Variants in CADM2 observed in about 807,000 individuals in gnomAD.
The protein encoded by CADM2 is cell adhesion molecule 2.
In CADM2, 12 loss-of-function variants were observed where a neutral mutation model predicts 49.8. That is an observed-to-expected ratio of 0.24 (90% confidence interval 0.15 to 0.39). The LOEUF (loss-of-function observed/expected upper bound fraction) is 0.39. Ranked by LOEUF, CADM2 falls within the 10% of genes least tolerant of loss-of-function variation. The pLI is 1.00. For missense variants in CADM2, 378 were observed against 492.3 expected (o/e 0.77, Z 2.20); for synonymous variants, 214 against 175.4 (o/e 1.22, Z -1.74).
At chr3:85,147,719 T>G (rs1299002624) in intron 1 of CADM2, among the ~76,000 whole-genome samples, 1 of 152,146 alleles carries the variant, frequency 6.6e-6, no homozygotes, top group African/African-American at 2.4e-5. Flanking sequence ...ATCTATAAAT[T>G]TGTTCAGGAT....
intron 8 of CADM2, among the ~76,000 whole-genome samples, chr3:86,006,932 T>G (rs1242628560): frequency 2.0e-5 from 3 of 151,902 alleles, no homozygotes; most frequent in Admixed American, 1.3e-4. Flanking sequence ...TCCCAGCTAC[T>G]CGGGAGGCTG....
At chr3:85,817,660 A>G (rs1457699959) in intron 3 of CADM2, among the ~76,000 whole-genome samples, 2 of 152,060 alleles carry the variant, frequency 1.3e-5, no homozygotes, top group African/African-American at 2.4e-5. Flanking sequence ...TCACAGTTCC[A>G]TCGTGGATTT....
At chr3:85,154,910 G>A (rs1450748160) in intron 1 of CADM2, among the ~76,000 whole-genome samples, 4 of 151,108 alleles carry the variant, frequency 2.6e-5, no homozygotes, top group African/African-American at 9.7e-5. Context: ...GTCACCACCC[G>A]GCCTGCCCTA....
intron 1 of CADM2, among the ~76,000 whole-genome samples, chr3:85,721,667 G>A (rs76820201): frequency 0.036 from 5,543 of 152,248 alleles, 312 homozygotes; most frequent in African/African-American, 0.13. Flanking sequence ...AGCTGGCACC[G>A]GGAACCAAGG....
chr3:85,524,252 AT>A (rs1348828219), intron 1 of CADM2, among the ~76,000 whole-genome samples: 2 of 151,888 alleles, frequency 1.3e-5, no homozygotes, highest in East Asian at 1.9e-4. Flanking sequence ...TTATTATTCT[AT>A]TTTTTGTGTA....
intron 1 of CADM2, among the ~76,000 whole-genome samples, chr3:85,081,050 C>G (rs2037143667): frequency 6.6e-6 from 1 of 152,048 alleles, no homozygotes; most frequent in Non-Finnish European, 1.5e-5. Flanking sequence ...AAATCAGTAA[C>G]TGTTACTATA....
At chr3:85,530,725 A>G (rs1474069121) in intron 1 of CADM2, among the ~76,000 whole-genome samples, 2 of 152,118 alleles carry the variant, frequency 1.3e-5, no homozygotes, top group African/African-American at 4.8e-5. Flanking sequence ...TTACCATTAC[A>G]ATCTTAGCAT....
At chr3:85,175,919 CTTTTTTTTTTTTTT>C (rs11329456) in intron 1 of CADM2, among the ~76,000 whole-genome samples, 5 of 76,260 alleles carry the variant, frequency 6.6e-5, no homozygotes, top group African/African-American at 1.8e-4. Context: ...ATGTCCTAAT[CTTTTTTTTTTTTTT>C]TTTTTTTTTT....
chr3:84,959,262 C>T lies in CADM2; in HGVS notation c.-346C>T. On this transcript the variant is annotated 5_prime_UTR_variant, in exon 1 of 10. Transcript: ENST00000383699. ...CTTCTCCAACACCCCGGCATCCCTGCACCACCTGCTCGGGCAGCCCCGGCG... is the reference window on the plus strand; with the variant it reads ...CTTCTCCAACACCCCGGCATCCCTGTACCACCTGCTCGGGCAGCCCCGGCG... 1 of 456,610 alleles carries T rather than the reference C, an allele frequency of 2.2e-6. No individual in the cohort carries two copies. The allele number at this position is 456,610 out of a possible 1,614,324, so 28.3% of individuals were successfully genotyped here.
At chr3:85,074,597 T>G (rs1432305102) in intron 1 of CADM2, among the ~76,000 whole-genome samples, 1 of 152,134 alleles carries the variant, frequency 6.6e-6, no homozygotes, top group Non-Finnish European at 1.5e-5. Flanking sequence ...TCTGTTGAAT[T>G]AATAATTAAA....
intron 8 of CADM2, among the ~76,000 whole-genome samples, chr3:86,031,698 A>C (rs1734577320): frequency 6.6e-6 from 1 of 151,814 alleles, no homozygotes; most frequent in Non-Finnish European, 1.5e-5. Context: ...AATGAAAGGC[A>C]ATTACATTGC....
intron 1 of CADM2, among the ~76,000 whole-genome samples, chr3:85,459,777 A>T (rs772873271): frequency 6.6e-6 from 1 of 152,220 alleles, no homozygotes; most frequent in Non-Finnish European, 1.5e-5. Flanking sequence ...GAGACTAAAA[A>T]GCATGTTTGT....
intron 1 of CADM2, among the ~76,000 whole-genome samples, chr3:85,573,770 A>T (rs1019108511): frequency 6.6e-6 from 1 of 152,120 alleles, no homozygotes; most frequent in Admixed American, 6.5e-5. Flanking sequence ...ACGTGATCTT[A>T]TTCCCTGCTT....
At chr3:85,120,200 G>C (rs907852269) in intron 1 of CADM2, among the ~76,000 whole-genome samples, 1 of 152,164 alleles carries the variant, frequency 6.6e-6, no homozygotes, top group Non-Finnish European at 1.5e-5. Context: ...TGCTGGAGAG[G>C]ATGTGGAGAA....
At chr3:85,346,058 C>T (rs1034075333) in intron 1 of CADM2, among the ~76,000 whole-genome samples, 3 of 152,204 alleles carry the variant, frequency 2.0e-5, no homozygotes, top group Non-Finnish European at 4.4e-5. Context: ...TTTCTGTAAG[C>T]TTGACATTAT....
intron 1 of CADM2, among the ~76,000 whole-genome samples, chr3:85,703,005 T>C (rs909511093): frequency 6.6e-6 from 1 of 152,170 alleles, no homozygotes; most frequent in Admixed American, 6.6e-5. Flanking sequence ...TGCTAGTAGA[T>C]TTACCATCGT....
intron 2 of CADM2, among the ~76,000 whole-genome samples, chr3:85,790,958 A>G (rs1429967982): frequency 6.6e-6 from 1 of 152,224 alleles, no homozygotes; most frequent in Non-Finnish European, 1.5e-5. Context: ...GTACTCTAAA[A>G]GGCAGGCTGA....
intron 1 of CADM2, among the ~76,000 whole-genome samples, chr3:85,372,949 C>G (rs775678434): frequency 6.6e-6 from 1 of 152,130 alleles, no homozygotes; most frequent in Non-Finnish European, 1.5e-5. Flanking sequence ...CCCGTGGACA[C>G]ATGGGGATTA....
chr3:85,925,185 G>A (rs1033729861), intron 6 of CADM2, among the ~76,000 whole-genome samples: 2 of 151,966 alleles, frequency 1.3e-5, no homozygotes, highest in African/African-American at 4.8e-5. Context: ...CATCATCCAA[G>A]TACTATGGTG....
Sources: allele counts gnomAD v4.1 joint callset (sites outside exome capture counted in the v4.1 genomes callset), GRCh38; gene constraint gnomAD v4.1.1; transcripts MANE v1.5; gene names NCBI Gene and HGNC (gene_info 2026-07-23, HGNC 2026-07-21).